Variants in CDKAL1 observed in about 807,000 individuals in gnomAD.
CDKAL1 encodes the protein CDKAL1 threonylcarbamoyladenosine tRNA methylthiotransferase, also known as threonylcarbamoyladenosine tRNA methylthiotransferase.
CDKAL1 carries 32 observed loss-of-function variants against 68.2 expected under a neutral mutation model. The observed-to-expected ratio is 0.47, with a 90% confidence interval of 0.35 to 0.63. The LOEUF (loss-of-function observed/expected upper bound fraction) is 0.63. Among genes scored for constraint, CDKAL1 ranks in the 30% least tolerant of loss-of-function variants. The pLI, the probability that CDKAL1 is intolerant of heterozygous loss-of-function variation, is 0.00. For missense variants in CDKAL1, 606 were observed against 696.7 expected, an observed-to-expected ratio of 0.87 and a Z score of 1.47; for synonymous variants, 234 against 244.3, an observed-to-expected ratio of 0.96 and a Z score of 0.39.
intron 5 of CDKAL1, among the ~76,000 whole-genome samples, chr6:20,652,529 A>T (rs1282523684): frequency 6.6e-6 from 1 of 152,018 alleles, no homozygotes; most frequent in Non-Finnish European, 1.5e-5. Flanking sequence ...TTATTTCCTC[A>T]TTCCATATTT....
chr6:21,122,803 GTTTTTTTTTTT>G (rs66935416), intron 13 of CDKAL1, among the ~76,000 whole-genome samples: 1 of 105,806 alleles, frequency 9.5e-6, no homozygotes, highest in Non-Finnish European at 1.9e-5. Context: ...CCCCAGTTAG[GTTTTTTTTTTT>G]TTTTTTTTTT....
intron 11 of CDKAL1, among the ~76,000 whole-genome samples, chr6:21,038,076 A>G (rs1332926525): frequency 6.6e-6 from 1 of 152,224 alleles, no homozygotes; most frequent in African/African-American, 2.4e-5. Context: ...GGCCTAGTGG[A>G]GAAGATTTAG....
intron 5 of CDKAL1, among the ~76,000 whole-genome samples, chr6:20,658,232 G>A (rs1158761276): frequency 6.6e-6 from 1 of 152,192 alleles, no homozygotes; most frequent in African/African-American, 2.4e-5. Flanking sequence ...ATCATGGACT[G>A]TCAACCTCTA....
At chr6:20,788,013 G>A (rs549362693) in intron 8 of CDKAL1, among the ~76,000 whole-genome samples, 1 of 152,280 alleles carries the variant, frequency 6.6e-6, no homozygotes, top group South Asian at 2.1e-4. Context: ...TATCTTGAGT[G>A]TCCCTTCTTT....
intron 10 of CDKAL1, among the ~76,000 whole-genome samples, chr6:20,975,925 A>G (rs1222126408): frequency 2.0e-5 from 3 of 152,178 alleles, no homozygotes; most frequent in Non-Finnish European, 4.4e-5. Context: ...CCTTTGATGT[A>G]ATATATTCTT....
At chr6:20,792,056 C>T (rs543285380) in intron 8 of CDKAL1, among the ~76,000 whole-genome samples, 4 of 151,604 alleles carry the variant, frequency 2.6e-5, no homozygotes, top group African/African-American at 4.8e-5. Flanking sequence ...TGATTGTGGA[C>T]GAGGGCCTGT....
chr6:20,717,287 T>A (rs1365027840), intron 5 of CDKAL1, among the ~76,000 whole-genome samples: 1 of 151,968 alleles, frequency 6.6e-6, no homozygotes, highest in African/African-American at 2.4e-5. Flanking sequence ...TTTTGTATTT[T>A]TAATACAAAA....
intron 4 of CDKAL1, among the ~76,000 whole-genome samples, chr6:20,617,525 G>C (rs1489787488): frequency 6.6e-6 from 1 of 152,090 alleles, no homozygotes; most frequent in Non-Finnish European, 1.5e-5. Flanking sequence ...CTGTTAACTG[G>C]TCATTTACAT....
At chr6:21,154,181 A>G (rs72838025) in intron 13 of CDKAL1, among the ~76,000 whole-genome samples, 39,410 of 152,038 alleles carry the variant, frequency 0.26, 5,558 homozygotes, top group African/African-American at 0.35. Context: ...TTTGCGTGTA[A>G]GTACTGGTTA....
At chr6:21,150,452 GT>G (rs1319015336) in intron 13 of CDKAL1, among the ~76,000 whole-genome samples, 6 of 152,136 alleles carry the variant, frequency 3.9e-5, no homozygotes, top group Non-Finnish European at 5.9e-5. Flanking sequence ...TAGTTATGAA[GT>G]TTGTTGTAAT....
intron 9 of CDKAL1, among the ~76,000 whole-genome samples, chr6:20,847,725 G>T (rs1009752543): frequency 6.6e-6 from 1 of 152,150 alleles, no homozygotes; most frequent in African/African-American, 2.4e-5. Flanking sequence ...ACACATTTAT[G>T]AATTATATGT....
chr6:20,695,371 CAG>C (rs1562032290), intron 5 of CDKAL1, among the ~76,000 whole-genome samples: 1 of 152,178 alleles, frequency 6.6e-6, no homozygotes, highest in African/African-American at 2.4e-5. Context: ...TTGTTACACT[CAG>C]GGGAAGGTCT....
chr6:20,949,627 G>GT (rs1318765503), intron 9 of CDKAL1, among the ~76,000 whole-genome samples: 1 of 152,108 alleles, frequency 6.6e-6, no homozygotes, highest in Non-Finnish European at 1.5e-5. Flanking sequence ...GGTCCTAGGC[G>GT]TATGTGTTTT....
chr6:20,887,924 A>G (rs1761168675), intron 9 of CDKAL1, among the ~76,000 whole-genome samples: 1 of 148,076 alleles, frequency 6.8e-6, no homozygotes, highest in African/African-American at 2.4e-5. Flanking sequence ...GCCGTGGACC[A>G]CCATGCCTGG....
At chr6:20,746,737 CT>C (rs1258101428) in intron 6 of CDKAL1, among the ~76,000 whole-genome samples, 1 of 151,962 alleles carries the variant, frequency 6.6e-6, no homozygotes, top group Non-Finnish European at 1.5e-5. Context: ...CATTTCTTTC[CT>C]TTTTTATTGT....
intron 13 of CDKAL1, among the ~76,000 whole-genome samples, chr6:21,124,187 TATCTA>T (rs1774870619): frequency 1.3e-5 from 2 of 152,230 alleles, no homozygotes; most frequent in Non-Finnish European, 2.9e-5. Flanking sequence ...GCAAAATACT[TATCTA>T]AACATAGGTG....
intron 9 of CDKAL1, among the ~76,000 whole-genome samples, chr6:20,875,652 T>A (rs1760474553): frequency 6.6e-6 from 1 of 151,968 alleles, no homozygotes; most frequent in Admixed American, 6.6e-5. Flanking sequence ...TAATAATGTG[T>A]TCTCTGTCTC....
intron 6 of CDKAL1, among the ~76,000 whole-genome samples, chr6:20,742,902 T>C (rs2150328793): frequency 6.6e-6 from 1 of 152,188 alleles, no homozygotes; most frequent in East Asian, 1.9e-4. Flanking sequence ...TATATGAAAA[T>C]TATGTCCACA....
At chr6:20,552,482 C>T (rs1236183607) in intron 4 of CDKAL1, among the ~76,000 whole-genome samples, 1 of 151,992 alleles carries the variant, frequency 6.6e-6, no homozygotes, top group Non-Finnish European at 1.5e-5. Context: ...GGTCTTGTAA[C>T]AGTACTTGTC....
Sources: allele counts gnomAD v4.1 joint callset (sites outside exome capture counted in the v4.1 genomes callset), GRCh38; gene constraint gnomAD v4.1.1; transcripts MANE v1.5; gene names NCBI Gene and HGNC (gene_info 2026-07-23, HGNC 2026-07-21).